The following LY6S variants were observed in gnomAD, a reference collection of about 807,000 sequenced individuals.
LY6S encodes the protein lymphocyte antigen 6 family member S, also known as lymphocyte antigen 6S.
the LY6S span, among the ~76,000 whole-genome samples, chr8:143,058,869 G>C: frequency 1.3e-5 from 2 of 152,132 alleles, no homozygotes; most frequent in Non-Finnish European, 2.9e-5. Flanking sequence ...CAGAGGGCTC[G>C]CACTCTTGTC....
the LY6S span, among the ~76,000 whole-genome samples, chr8:143,064,856 G>A: frequency 1.3e-5 from 2 of 152,174 alleles, no homozygotes; most frequent in African/African-American, 4.8e-5. Flanking sequence ...TCATCATGAA[G>A]GTGCTGTGCC....
At chr8:143,067,536 A>G in the LY6S span, among the ~76,000 whole-genome samples, 1 of 152,216 alleles carries the variant, frequency 6.6e-6, no homozygotes, top group Admixed American at 6.5e-5. Flanking sequence ...AAAAGAAATA[A>G]GACACAGAGA....
the LY6S span, among the ~76,000 whole-genome samples, chr8:143,041,680 G>T: frequency 6.6e-6 from 1 of 152,138 alleles, no homozygotes. Flanking sequence ...TATGTTCAGA[G>T]ATTGCAGTAA....
chr8:143,065,771 CTCTTTCTTTCTTTT>C, the LY6S span: 1 of 67,932 alleles, frequency 1.5e-5, no homozygotes, highest in African/African-American at 7.8e-5. Context: ...TCTTTCTTTT[CTCTTTCTTTCTTTT>C]TCTTTCTTTC....
chr8:143,043,241 C>G, the LY6S span: 10 of 1,366,192 alleles, frequency 7.3e-6, no homozygotes, highest in Non-Finnish European at 8.8e-6. Context: ...AGCAAGAGAT[C>G]TGGGAGTCCA....
chr8:143,075,342 T>C, the LY6S span, among the ~76,000 whole-genome samples: 10 of 152,148 alleles, frequency 6.6e-5, no homozygotes, highest in African/African-American at 2.2e-4. This position sits in a 1 kb window ranked among gnomAD's most constrained non-coding sequence, Gnocchi z 4.1. Context: ...ACTCCAGCAT[T>C]GATCACCTAA....
At chr8:143,048,611 G>A in the LY6S span, among the ~76,000 whole-genome samples, 10 of 151,960 alleles carry the variant, frequency 6.6e-5, no homozygotes, top group African/African-American at 1.9e-4. Context: ...GGGACTACAG[G>A]GGTCTGCCAC....
chr8:143,057,321 C>G, the LY6S span: 1 of 355,558 alleles, frequency 2.8e-6, no homozygotes, highest in Non-Finnish European at 5.4e-6. Context: ...GCCATCTCGG[C>G]TCACTGCAAT....
At chr8:143,066,657 G>T in the LY6S span, 1 of 170,412 alleles carries the variant, frequency 5.9e-6, no homozygotes, top group Non-Finnish European at 1.3e-5. Flanking sequence ...TTTGGAATGG[G>T]AATGTTTACC....
At chr8:143,053,738 C>CT in the LY6S span, 1 of 152,224 alleles carries the variant, frequency 6.6e-6, no homozygotes, top group South Asian at 2.1e-4. Context: ...AGTTCTACCA[C>CT]TTTTGCAAGA....
chr8:143,045,315 C>G, the LY6S span, among the ~76,000 whole-genome samples: 1 of 152,292 alleles, frequency 6.6e-6, no homozygotes, highest in East Asian at 1.9e-4. The surrounding 1 kb of genome is among the most constrained non-coding windows in gnomAD (Gnocchi z 5.3). Flanking sequence ...CCAGCAGGAC[C>G]AGGGACAAGG....
the LY6S span, chr8:143,065,982 T>A: frequency 8.7e-5 from 30 of 342,974 alleles, no homozygotes; most frequent in Non-Finnish European, 1.5e-4. Flanking sequence ...GGGTGTTCGG[T>A]CCTTGTGGGC....
chr8:143,046,612 T>C, the LY6S span, among the ~76,000 whole-genome samples: 3 of 150,066 alleles, frequency 2.0e-5, no homozygotes, highest in Middle Eastern at 3.7e-3. Context: ...GAATCTAACA[T>C]AACTGACTCC....
the LY6S span, among the ~76,000 whole-genome samples, chr8:143,045,310 A>G: frequency 6.6e-6 from 1 of 152,164 alleles, no homozygotes; most frequent in Non-Finnish European, 1.5e-5. The surrounding 1 kb of genome is among the most constrained non-coding windows in gnomAD (Gnocchi z 5.3). Context: ...GGCCACCAGC[A>G]GGACCAGGGA....
At chr8:143,042,503 C>A in the LY6S span, 1 of 155,434 alleles carries the variant, frequency 6.4e-6, no homozygotes, top group South Asian at 2.0e-4. Flanking sequence ...GCCCCAGGAG[C>A]ACCTCCCCAA....
At chr8:143,065,302 G>T in the LY6S span, among the ~76,000 whole-genome samples, 143 of 152,232 alleles carry the variant, frequency 9.4e-4, no homozygotes, top group African/African-American at 3.4e-3. Flanking sequence ...TGTCAGGTTT[G>T]GGAGGTTTTC....
chr8:143,059,227 A>G, the LY6S span, among the ~76,000 whole-genome samples: 1 of 152,178 alleles, frequency 6.6e-6, no homozygotes, highest in Non-Finnish European at 1.5e-5. Flanking sequence ...CTCAATGTTA[A>G]TGAGGTCAAA....
At chr8:143,071,741 A>G in the LY6S span, among the ~76,000 whole-genome samples, 5 of 152,204 alleles carry the variant, frequency 3.3e-5, no homozygotes, top group Non-Finnish European at 5.9e-5. Context: ...ACAAGCTCGC[A>G]GGAGGACGTC....
chr8:143,073,767 C>T, the LY6S span, among the ~76,000 whole-genome samples: 2 of 132,664 alleles, frequency 1.5e-5, no homozygotes, highest in Admixed American at 8.5e-5. Flanking sequence ...AGACAGCCAT[C>T]GTCCCCGGGG....
Sources: gnomAD v4.1 joint callset for allele counts (sites outside exome capture counted in the v4.1 genomes callset) on GRCh38, gnomAD v4.1.1 for gene constraint, Gnocchi (gnomAD v3.1) non-coding constraint, MANE v1.5 for transcripts, NCBI Gene and HGNC (gene_info 2026-07-23, HGNC 2026-07-21) for gene names.